Variants in CYTIP observed in about 807,000 individuals in gnomAD.
CYTIP encodes the protein cytohesin 1 interacting protein, also known as cytohesin-interacting protein.
In CYTIP, 26 loss-of-function variants were observed where a neutral mutation model predicts 43.8. That is an observed-to-expected ratio of 0.59 (90% CI 0.44 to 0.82). CYTIP has a LOEUF of 0.82. Among genes scored for constraint, CYTIP ranks in the 40% least tolerant of loss-of-function variants. The pLI, the probability that CYTIP is intolerant of heterozygous loss-of-function variation, is 0.00. For missense variants in CYTIP, 426 were observed against 443.1 expected, an observed-to-expected ratio of 0.96 and a Z score of 0.35; for synonymous variants, 162 against 162.9, an observed-to-expected ratio of 0.99 and a Z score of 0.04.
At chr2:157,434,847 T>G (rs112348634) in intron 1 of CYTIP, 100 bp from the exon 2 acceptor site, 1 of 138,376 alleles carries the variant, frequency 7.2e-6, no homozygotes, top group Non-Finnish European at 1.5e-5. Context: ...TCTCTCTCTC[T>G]CTCACACACA....
Position 157,434,387 on chromosome 2 carries a change from A to C in CYTIP, c.262T>G (p.Phe88Val). ...VTVEKQDNETFGFEIQSYRPQ... is the reference protein window; with the variant it reads ...VTVEKQDNETVGFEIQSYRPQ... The stretch of plus-strand genomic sequence containing the variant: ...TTGCCCACCTGAATTTCAAATCCAA[A>C]TGTTTCATTATCCTGCTTCTCCACA... Residue 88 changes from phenylalanine to valine, a missense_variant, in exon 3 of 8, where the codon TTT becomes GTT. Transcript: ENST00000264192. 1 of 1,613,234 alleles carries C rather than the reference A, an allele frequency of 6.2e-7. No homozygotes were observed. The highest frequency in any genetic ancestry group is 8.5e-7 in the Non-Finnish European group (1 of 1,179,510).
At chr2:157,440,768 G>T (rs1685895874) in intron 1 of CYTIP, among the ~76,000 whole-genome samples, 1 of 152,182 alleles carries the variant, frequency 6.6e-6, no homozygotes. Context: ...GGACTTGTTT[G>T]TCAGGTCCCT....
chr2:157,422,890 G>T (rs1685544692), intron 6 of CYTIP, among the ~76,000 whole-genome samples: 1 of 151,962 alleles, frequency 6.6e-6, no homozygotes, highest in African/African-American at 2.4e-5. Flanking sequence ...AGAACAGCTA[G>T]CAAGAACATT....
At chr2:157,419,409 T>G (rs1245218134) in intron 6 of CYTIP, among the ~76,000 whole-genome samples, 2 of 152,246 alleles carry the variant, frequency 1.3e-5, no homozygotes, top group Non-Finnish European at 2.9e-5. Flanking sequence ...GCCTCCCTTC[T>G]TGGCTGCCCC....
At position 157,430,904 on chromosome 2, in the gene CYTIP, T is replaced by C. The variant is rs750798399; in HGVS notation, c.338A>G (p.Lys113Arg). ...CSSEMFTLIC[K>R]IQEDSPAHCA... ...GTGAGCTGGGCTGTCCTCCTGTATT[T>C]TGCATATCAAAGTGAACATTTCCGA... The change falls in exon 4 of 8, where the codon AAA (lysine) becomes AGA (arginine). Residue 113 changes from lysine (K) to arginine (R), a missense_variant. Coordinates refer to ENST00000264192, the MANE Select transcript of CYTIP (RefSeq NM_004288.5). The C allele has an allele frequency of 6.2e-7, 1 of 1,613,976 alleles. No homozygotes were observed. Among genetic ancestry groups the C allele is most frequent in the Non-Finnish European group, 8.5e-7 (1 of 1,179,990 alleles).
intron 7 of CYTIP, among the ~76,000 whole-genome samples, chr2:157,416,842 T>C (rs1685446061): frequency 1.3e-5 from 2 of 152,210 alleles, no homozygotes; most frequent in Admixed American, 1.3e-4. Context: ...GAATTTTATC[T>C]GCTTGGCTAA....
chr2:157,435,189 A>C (rs1038652510), intron 1 of CYTIP, among the ~76,000 whole-genome samples: 8 of 152,218 alleles, frequency 5.3e-5, no homozygotes, highest in African/African-American at 1.9e-4. Context: ...ACTGAAATCC[A>C]AAGAAAAATA....
At chr2:157,424,170 A>G (rs779295044) in intron 6 of CYTIP, among the ~76,000 whole-genome samples, 1 of 152,214 alleles carries the variant, frequency 6.6e-6, no homozygotes, top group Non-Finnish European at 1.5e-5. Context: ...ACAGATAGTT[A>G]TTATCTCTAC....
chr2:157,420,976 G>GA (rs1172657618), intron 6 of CYTIP, among the ~76,000 whole-genome samples: 4 of 152,126 alleles, frequency 2.6e-5, no homozygotes, highest in Non-Finnish European at 4.4e-5. Context: ...TCAATTTTTG[G>GA]AAAAATACTG....
intron 6 of CYTIP, among the ~76,000 whole-genome samples, chr2:157,421,143 C>T (rs1558937405): frequency 6.6e-6 from 1 of 152,154 alleles, no homozygotes. Context: ...TCTGTTTCTG[C>T]CTGTGTTACT....
chr2:157,416,020 C>A lies in CYTIP; in HGVS notation c.737G>T (p.Cys246Phe), dbSNP rs754986105. ...CGTCATGGAGCTCAGCCAGCTCTTA[C>A]AGCTGCTCTCACTGGATAATCGATT... ...DRNRLSSESSCKSWLSSMTMD... is the reference protein window; with the variant it reads ...DRNRLSSESSFKSWLSSMTMD... The change falls in exon 8 of 8, where the codon TGT becomes TTT. Residue 246 changes from cysteine (C) to phenylalanine (F), a missense_variant. Transcript: ENST00000264192. 1 of 1,614,232 alleles carries A rather than the reference C, an allele frequency of 6.2e-7. No individual in the cohort carries two copies. The highest frequency in any genetic ancestry group is 1.1e-5 in the South Asian group (1 of 91,086).
Position 157,443,942 on chromosome 2 carries a change from A to G in CYTIP, c.79T>C (p.Tyr27His), listed in dbSNP as rs527460793. The change falls in exon 1 of 8, where the codon TAC (tyrosine) becomes CAC (histidine). Residue 27 changes from tyrosine to histidine, a missense_variant. Coordinates refer to ENST00000264192, the MANE Select transcript of CYTIP (RefSeq NM_004288.5). ...DFCAGPAYSS[Y>H]STLTGSLTMD... ...GTAAGGCTGCCGGTGAGTGTGGAGT[A>G]AGAGCTATACGCTGGCCCAGCGCAG... 40 of 1,614,178 alleles carry G rather than the reference A, an allele frequency of 2.5e-5. No homozygotes were observed. The highest frequency in any genetic ancestry group is 2.3e-4 in the South Asian group (21 of 91,084).
rs1448964408 is a variant in CYTIP at position 157,434,843 on chromosome 2, TCTCTCTCACACACACACACACA to T, written c.175-118_175-97del. 269 of 376,988 alleles carry T rather than the reference TCTCTCTCACACACACACACACA, an allele frequency of 7.1e-4. 1 individual carries two copies. The African/African-American group carries it at 8.8e-3, about 12-fold the overall frequency. 23.4% of individuals were successfully genotyped at this position (376,988 alleles called of 1,614,324 possible). On this transcript the variant is annotated intron_variant, in intron 1 of 7. Transcript: ENST00000264192. Reference sequence around the variant, plus strand: ...CTCTCTCTCTCTCTCTCTCTCTCTCTCTCTCTCACACACACACACACACACACACACACACACACACACACAC... The same window carrying T: ...CTCTCTCTCTCTCTCTCTCTCTCTCTCACACACACACACACACACACACAC...
intron 1 of CYTIP, among the ~76,000 whole-genome samples, chr2:157,441,859 G>C (rs1200976456): frequency 6.6e-5 from 10 of 152,080 alleles, no homozygotes; most frequent in Admixed American, 6.5e-4. Context: ...CTCACCACTA[G>C]TCTCTACTCA....
chr2:157,424,179 A>G (rs1685566710), intron 6 of CYTIP, among the ~76,000 whole-genome samples: 1 of 152,204 alleles, frequency 6.6e-6, no homozygotes, highest in Admixed American at 6.5e-5. Flanking sequence ...TATTATCTCT[A>G]CAGTAAATCC....
At chr2:157,439,919 T>A (rs1685877154) in intron 1 of CYTIP, among the ~76,000 whole-genome samples, 1 of 152,210 alleles carries the variant, frequency 6.6e-6, no homozygotes, top group Non-Finnish European at 1.5e-5. Flanking sequence ...CAAGACCAAA[T>A]ACTTCAGCTG....
intron 6 of CYTIP, among the ~76,000 whole-genome samples, chr2:157,420,508 CTT>C (rs1402597800): frequency 6.6e-6 from 1 of 151,966 alleles, no homozygotes; most frequent in African/African-American, 2.4e-5. Flanking sequence ...AAGAGCAAAA[CTT>C]TGTCTCAAAA....
At position 157,443,857 on chromosome 2, in the gene CYTIP, C is replaced by G; in HGVS notation, c.164G>C (p.Gly55Ala). 1 of 1,613,986 alleles carries G rather than the reference C, an allele frequency of 6.2e-7. No individual in the cohort carries two copies. Among genetic ancestry groups the G allele is most frequent in the Non-Finnish European group, 8.5e-7 (1 of 1,179,918 alleles). Residue 55 changes from glycine (G) to alanine (A), a missense_variant, in exon 1 of 8, where the codon GGA (glycine) becomes GCA (alanine). Coordinates refer to ENST00000264192, the MANE Select transcript of CYTIP (RefSeq NM_004288.5). ...LADTVATLPR[G>A]RKQLALTRSS... ...AAATAGCAATCATACCTGCTTTCGT[C>G]CCCGAGGCAGAGTAGCCACCGTGTC...
At chr2:157,419,468 G>T (rs1303084542) in intron 6 of CYTIP, among the ~76,000 whole-genome samples, 2 of 152,228 alleles carry the variant, frequency 1.3e-5, no homozygotes, top group African/African-American at 2.4e-5. Flanking sequence ...GCTGCCACAT[G>T]GGTCAAGACA....
Sources: allele counts gnomAD v4.1 joint callset (sites outside exome capture counted in the v4.1 genomes callset), GRCh38; gene constraint gnomAD v4.1.1; transcripts MANE v1.5; gene names NCBI Gene and HGNC (gene_info 2026-07-23, HGNC 2026-07-21).